Variants in CREB5 observed in about 807,000 individuals in gnomAD.
The protein encoded by CREB5 is cAMP responsive element binding protein 5.
In CREB5, 19 loss-of-function variants were observed where a neutral mutation model predicts 57.1. That is an observed-to-expected ratio of 0.33 (90% CI 0.23 to 0.49). The LOEUF is 0.49. Among genes scored for constraint, CREB5 ranks in the 20% least tolerant of loss-of-function variants. The pLI is 0.99. For missense variants in CREB5, 579 were observed against 671.6 expected (o/e 0.86, Z 1.52); for synonymous variants, 238 against 238.3 (o/e 1.00, Z 0.01).
intron 1 of CREB5, among the ~76,000 whole-genome samples, chr7:28,382,365 G>T (rs1274843484): frequency 1.3e-5 from 2 of 152,116 alleles, no homozygotes; most frequent in African/African-American, 2.4e-5. Context: ...AACCATCTGG[G>T]TTTCACTTTC....
chr7:28,650,968 C>G (rs563764530), intron 5 of CREB5, among the ~76,000 whole-genome samples: 2 of 152,240 alleles, frequency 1.3e-5, no homozygotes, highest in South Asian at 4.1e-4. Context: ...TTAGTGGTAA[C>G]AGAACGCCTT....
At chr7:28,601,898 A>G (rs1413524184) in intron 5 of CREB5, among the ~76,000 whole-genome samples, 2 of 152,192 alleles carry the variant, frequency 1.3e-5, no homozygotes, top group Non-Finnish European at 2.9e-5. Flanking sequence ...TAGGACAAAA[A>G]AAGTATGTTT....
chr7:28,429,867 CGTT>C (rs1158400302), intron 1 of CREB5, among the ~76,000 whole-genome samples: 3 of 152,110 alleles, frequency 2.0e-5, no homozygotes, highest in Admixed American at 2.0e-4. Context: ...GGGTTAGAGG[CGTT>C]GTGTCGGGAT....
At chr7:28,416,614 G>A (rs951302008) in intron 1 of CREB5, among the ~76,000 whole-genome samples, 1 of 152,256 alleles carries the variant, frequency 6.6e-6, no homozygotes. Flanking sequence ...TGACAACATT[G>A]TGCAGAAAAA....
At chr7:28,435,788 A>T in intron 1 of CREB5, 4 of 431,980 alleles carry the variant, frequency 9.3e-6, no homozygotes, top group Non-Finnish European at 1.2e-5. Context: ...ATGAAACCAC[A>T]TTTCTGCCAT....
At position 28,560,947 on chromosome 7, in the gene CREB5, T is replaced by TGCGTGTGTGC. The variant is rs1562798055; in HGVS notation, c.292-9417_292-9416insCGTGTGTGCG. Among the ~76,000 whole-genome samples, 4 of 21,186 alleles carry TGCGTGTGTGC rather than the reference T, an allele frequency of 1.9e-4. 1 individual carries two copies. Among genetic ancestry groups the TGCGTGTGTGC allele is most frequent in the African/African-American group, 6.8e-4 (4 of 5,872 alleles). The allele number at this position is 21,186 out of a possible 152,430, so 13.9% of individuals were successfully genotyped here. A position where few individuals can be genotyped will look rare whatever the true frequency, so the allele number is the denominator to read the frequency against. ...GCGCGTGCGTGTGTGCGTGCGTGTGTGTGCGTGTGTGTGCGTGTGTGTGTG... is the reference window on the plus strand; with the variant it reads ...GCGCGTGCGTGTGTGCGTGCGTGTGTGCGTGTGTGCGTGCGTGTGTGTGCGTGTGTGTGTG... On this transcript the variant is annotated intron_variant, in intron 4 of 10. Transcript: ENST00000357727.
intron 5 of CREB5, among the ~76,000 whole-genome samples, chr7:28,640,315 C>G (rs763716980): frequency 9.2e-5 from 14 of 152,208 alleles, no homozygotes; most frequent in Non-Finnish European, 1.6e-4. Flanking sequence ...GACAACATTT[C>G]TGTGGTATTT....
intron 1 of CREB5, among the ~76,000 whole-genome samples, chr7:28,312,333 T>C (rs1382621698): frequency 6.6e-6 from 1 of 152,166 alleles, no homozygotes; most frequent in African/African-American, 2.4e-5. Context: ...AATGAAAGCA[T>C]ATTTGCGAGA....
chr7:28,692,662 C>G (rs1272927785), intron 5 of CREB5, among the ~76,000 whole-genome samples: 4 of 151,732 alleles, frequency 2.6e-5, no homozygotes, highest in Non-Finnish European at 4.4e-5. Flanking sequence ...CCAGCTACTC[C>G]AGAAGCTGAG....
intron 4 of CREB5, among the ~76,000 whole-genome samples, chr7:28,529,609 T>C (rs1352104878): frequency 6.6e-6 from 1 of 152,044 alleles, no homozygotes; most frequent in Non-Finnish European, 1.5e-5. Flanking sequence ...GGTGGGAAAA[T>C]AAAGAACAAA....
At chr7:28,336,657 A>C (rs1188777442) in intron 1 of CREB5, among the ~76,000 whole-genome samples, 1 of 151,764 alleles carries the variant, frequency 6.6e-6, no homozygotes, top group African/African-American at 2.4e-5. Flanking sequence ...CATTTCATTG[A>C]TCTTTTGTAT....
At chr7:28,443,224 G>C (rs1275687120) in intron 1 of CREB5, among the ~76,000 whole-genome samples, 1 of 152,168 alleles carries the variant, frequency 6.6e-6, no homozygotes, top group Admixed American at 6.5e-5. Context: ...CTTGTTCCTA[G>C]CTCCTATGAG....
chr7:28,672,090 C>T (rs1800066093), intron 5 of CREB5, among the ~76,000 whole-genome samples: 1 of 151,698 alleles, frequency 6.6e-6, no homozygotes, highest in South Asian at 2.1e-4. Context: ...TTGCAATCAT[C>T]CCAAACAATT....
At chr7:28,721,587 T>A (rs1803034800) in intron 6 of CREB5, among the ~76,000 whole-genome samples, 1 of 152,192 alleles carries the variant, frequency 6.6e-6, no homozygotes. Flanking sequence ...CTTCACTGAT[T>A]TGTAATGCAT....
At chr7:28,383,757 C>G (rs920924690) in intron 1 of CREB5, among the ~76,000 whole-genome samples, 15 of 152,154 alleles carry the variant, frequency 9.9e-5, no homozygotes, top group Admixed American at 2.6e-4. Context: ...GGGATTACAA[C>G]TGGACATGCG....
chr7:28,358,919 G>A (rs571920293), intron 1 of CREB5, among the ~76,000 whole-genome samples: 2 of 152,136 alleles, frequency 1.3e-5, no homozygotes, highest in Non-Finnish European at 2.9e-5. Flanking sequence ...TAGGGGTGAG[G>A]AGAACCCCTC....
intron 4 of CREB5, among the ~76,000 whole-genome samples, chr7:28,531,821 G>C (rs1234354390): frequency 1.3e-5 from 2 of 151,992 alleles, no homozygotes; most frequent in Non-Finnish European, 2.9e-5. Flanking sequence ...ACGAGGTCAG[G>C]AGATCGAGAC....
intron 5 of CREB5, among the ~76,000 whole-genome samples, chr7:28,657,717 G>GA (rs59307921): frequency 0.021 from 1,119 of 53,774 alleles, 44 homozygotes; most frequent in African/African-American, 0.059. Flanking sequence ...ACTCTCTCTC[G>GA]AAAAAAAAAA....
chr7:28,404,739 A>C (rs42705), intron 1 of CREB5, among the ~76,000 whole-genome samples: 34,507 of 152,098 alleles, frequency 0.23, 4,313 homozygotes, highest in Non-Finnish European at 0.28. Context: ...CTTTTGATTA[A>C]CCAGGCACAG....
Sources: gnomAD v4.1 joint callset for allele counts (sites outside exome capture counted in the v4.1 genomes callset) on GRCh38, gnomAD v4.1.1 for gene constraint, MANE v1.5 for transcripts, NCBI Gene and HGNC (gene_info 2026-07-23, HGNC 2026-07-21) for gene names.